The following WNK1 variants were observed in gnomAD, a reference collection of about 807,000 sequenced individuals.
WNK1 encodes the protein WNK lysine deficient protein kinase 1.
In WNK1, 38 loss-of-function variants were observed where a neutral mutation model predicts 222.8. The ratio of observed to expected loss-of-function variants is 0.17; its 90% CI spans 0.13 to 0.22. The LOEUF (loss-of-function observed/expected upper bound fraction) is 0.22. Among genes scored for constraint, WNK1 ranks in the 10% least tolerant of loss-of-function variants. The pLI is 1.00. For synonymous variants in WNK1, 1,090 were observed against 1,092.9 expected, an observed-to-expected ratio of 1.00 and a Z score of 0.05; for missense variants, 2,348 against 2,918.4, an observed-to-expected ratio of 0.80 and a Z score of 4.50.
chr12:888,524 T>C (rs1953889885), intron 20 of WNK1, among the ~76,000 whole-genome samples: 1 of 152,108 alleles, frequency 6.6e-6, no homozygotes, highest in South Asian at 2.1e-4. Context: ...AATAGATTGA[T>C]AGAAGCCAAG....
At chr12:767,213 G>A (rs1178137540) in intron 1 of WNK1, among the ~76,000 whole-genome samples, 1 of 144,282 alleles carries the variant, frequency 6.9e-6, no homozygotes, top group Non-Finnish European at 1.5e-5. Flanking sequence ...TCCTGTTGTG[G>A]CAGACTTTCT....
At position 911,379 on chromosome 12, in the gene WNK1, T is replaced by G; in HGVS notation, c.*2587T>G. ...GTTGCGCTTCTTGTAAGATTGCGCT[T>G]TGTGCTTCAGTTTGTTACCTTTGTA... On this transcript the variant is annotated 3_prime_UTR_variant, in exon 28 of 28. Coordinates refer to ENST00000315939, the MANE Select transcript of WNK1 (RefSeq NM_018979.4). 1 of 398,674 alleles carries G rather than the reference T, an allele frequency of 2.5e-6. No individual in the cohort carries two copies. The highest frequency in any genetic ancestry group is 4.4e-6 in the Non-Finnish European group (1 of 226,072). 24.7% of individuals were successfully genotyped at this position (398,674 alleles called of 1,614,324 possible). A position where few individuals can be genotyped will look rare whatever the true frequency, so the allele number is the denominator to read the frequency against.
intron 26 of WNK1, among the ~76,000 whole-genome samples, chr12:905,876 C>G (rs1955652293): frequency 6.6e-6 from 1 of 152,330 alleles, no homozygotes; most frequent in East Asian, 1.9e-4. Context: ...AAGAAATGAG[C>G]TGACACTCAC....
intron 1 of WNK1, among the ~76,000 whole-genome samples, chr12:773,662 C>T (rs1216132674): frequency 6.6e-6 from 1 of 152,128 alleles, no homozygotes; most frequent in East Asian, 1.9e-4. Context: ...GTTTATTGTA[C>T]TCCTATGTGC....
rs552829869 is a variant in WNK1 at position 782,902 on chromosome 12, C to CT, written c.759+28589dup. ...CCCAATATATATCCAAACATAGTTT[C>CT]TTTTTTTTTTTCTGAGACAGGGTCT... On this transcript the variant is annotated intron_variant, in intron 1 of 27. Coordinates refer to ENST00000315939, the MANE Select transcript of WNK1 (RefSeq NM_018979.4). 5.8e-3 allele frequency among the ~76,000 whole-genome samples: 854 copies of CT among 146,522 alleles called. 6 individuals are homozygous for CT. Among genetic ancestry groups the CT allele is most frequent in the Middle Eastern group, 0.018 (5 of 282 alleles).
chr12:894,395 T>C (rs371411685), intron 22 of WNK1, among the ~76,000 whole-genome samples, 167 bp from the exon 23 acceptor site: 1 of 152,224 alleles, frequency 6.6e-6, no homozygotes, highest in Non-Finnish European at 1.5e-5. Flanking sequence ...AATAACTCTT[T>C]TCCCCTGTTG....
intron 25 of WNK1, 23 bp from the exon 26 acceptor site, chr12:900,453 C>T (rs1253201163): frequency 6.2e-7 from 1 of 1,614,010 alleles, no homozygotes; most frequent in Non-Finnish European, 8.5e-7. Context: ...CATGTTTCCT[C>T]ATGCCACTTT....
At chr12:891,938 T>C (rs908379126) in intron 22 of WNK1, among the ~76,000 whole-genome samples, 5 of 150,628 alleles carry the variant, frequency 3.3e-5, no homozygotes, top group African/African-American at 1.2e-4. Flanking sequence ...AAAAAAAAAA[T>C]CATGCATGAA....
intron 4 of WNK1, among the ~76,000 whole-genome samples, chr12:856,494 A>G (rs919500950): frequency 6.6e-6 from 1 of 152,054 alleles, no homozygotes; most frequent in African/African-American, 2.4e-5. Context: ...TTTATACTTT[A>G]TAAAGATTTT....
rs1409027921 is a variant in WNK1 at position 885,935 on chromosome 12, T to C, written c.5131T>C (p.Leu1711=). Residue 1711 remains leucine (L), a synonymous_variant, in exon 19 of 28, where the codon TTA becomes CTA. Coordinates refer to ENST00000315939, the MANE Select transcript of WNK1 (RefSeq NM_018979.4). ...CCTGACTTCTACCACAAGTACTTGC[T>C]TACCACCAACCAATTTACCACTAGG... ...KLLTSTTSTC[L]PPTNLPLGTV... 6.2e-7 allele frequency: 1 copy of C among 1,600,026 alleles called. No individual in the cohort carries two copies. Among genetic ancestry groups the C allele is most frequent in the Admixed American group, 1.7e-5 (1 of 58,710 alleles).
At chr12:865,458 G>C in intron 8 of WNK1, 6 of 1,429,572 alleles carry the variant, frequency 4.2e-6, no homozygotes, top group Non-Finnish European at 5.5e-6. Flanking sequence ...TAAAGAACAG[G>C]ACTAAACTTG....
chr12:865,275 T>C, intron 8 of WNK1: 1 of 1,536,092 alleles, frequency 6.5e-7, no homozygotes, highest in Non-Finnish European at 8.7e-7. Context: ...CGAAAAGCTT[T>C]CTAAAGCATT....
At chr12:889,354 A>G in intron 21 of WNK1, 131 bp downstream of exon 21, 1 of 789,810 alleles carries the variant, frequency 1.3e-6, no homozygotes, top group Non-Finnish European at 2.2e-6. Flanking sequence ...TTCTAGCCAA[A>G]AGAAATGAGA....
chr12:865,129 T>C, intron 8 of WNK1: 1 of 1,516,908 alleles, frequency 6.6e-7, no homozygotes, highest in Non-Finnish European at 8.8e-7. Context: ...GGCCGTAGCA[T>C]GTCGGTTTGT....
intron 22 of WNK1, among the ~76,000 whole-genome samples, chr12:894,313 T>A (rs973006469): frequency 2.0e-5 from 3 of 152,226 alleles, no homozygotes; most frequent in African/African-American, 7.2e-5. Context: ...TAATTGAGTT[T>A]TTAAAGCCTG....
At chr12:869,662 G>A (rs1951973073) in intron 8 of WNK1, among the ~76,000 whole-genome samples, 1 of 152,050 alleles carries the variant, frequency 6.6e-6, no homozygotes, top group South Asian at 2.1e-4. Flanking sequence ...AAACAGTTTA[G>A]GAATTTGCCT....
At chr12:767,314 G>A (rs1421911542) in intron 1 of WNK1, among the ~76,000 whole-genome samples, 1 of 129,002 alleles carries the variant, frequency 7.8e-6, no homozygotes. Context: ...GCGCAGTGGT[G>A]CAGTCTTGGC....
chr12:859,649 A>T, intron 6 of WNK1, among the ~76,000 whole-genome samples, 185 bp downstream of exon 6: 1 of 53,514 alleles, frequency 1.9e-5, no homozygotes, highest in Admixed American at 1.9e-4. Flanking sequence ...TTTTTTTTAA[A>T]CTTCTTTGTA....
intron 1 of WNK1, among the ~76,000 whole-genome samples, chr12:792,886 A>G (rs1341395317): frequency 6.6e-6 from 1 of 152,032 alleles, no homozygotes; most frequent in Non-Finnish European, 1.5e-5. Context: ...AGAGTTCTTA[A>G]TCAGGTCTAG....
Sources: allele counts gnomAD v4.1 joint callset (sites outside exome capture counted in the v4.1 genomes callset), GRCh38; gene constraint gnomAD v4.1.1; transcripts MANE v1.5; gene names NCBI Gene and HGNC (gene_info 2026-07-23, HGNC 2026-07-21).